Variants in FYN observed in about 807,000 individuals in gnomAD.
FYN encodes tyrosine-protein kinase Fyn.
FYN carries 10 observed loss-of-function variants against 70.2 expected under a neutral mutation model. That is an observed-to-expected ratio of 0.14 (90% CI 0.09 to 0.24). The LOEUF is 0.24. FYN is among the 10% of genes least tolerant of loss of function. The pLI is 1.00. For synonymous variants in FYN, 236 were observed against 248.6 expected (o/e 0.95, Z 0.48); for missense variants, 319 against 673.1 (o/e 0.47, Z 5.82).
At chr6:111,852,192 T>C (rs1773704379) in intron 1 of FYN, among the ~76,000 whole-genome samples, 1 of 152,224 alleles carries the variant, frequency 6.6e-6, no homozygotes, top group East Asian at 1.9e-4. Context: ...TATTCAGATA[T>C]ACAAAGCAGG....
intron 3 of FYN, among the ~76,000 whole-genome samples, chr6:111,774,690 CT>C (rs1181246984): frequency 6.6e-6 from 1 of 151,886 alleles, no homozygotes; most frequent in Non-Finnish European, 1.5e-5. Context: ...TGTGCTGCAG[CT>C]TTTTCCCCCC....
At chr6:111,753,512 A>C (rs1802576939) in intron 3 of FYN, among the ~76,000 whole-genome samples, 1 of 152,164 alleles carries the variant, frequency 6.6e-6, no homozygotes, top group African/African-American at 2.4e-5. Flanking sequence ...AAATATTCAG[A>C]TGGAACAAAC....
chr6:111,853,733 C>T (rs1007635339), intron 1 of FYN, among the ~76,000 whole-genome samples: 1 of 152,218 alleles, frequency 6.6e-6, no homozygotes, highest in Non-Finnish European at 1.5e-5. Flanking sequence ...ATCCTCCTAC[C>T]TCAGCCTCCT....
intron 2 of FYN, among the ~76,000 whole-genome samples, chr6:111,781,810 C>A (rs1381151695): frequency 6.6e-6 from 1 of 152,130 alleles, no homozygotes; most frequent in East Asian, 1.9e-4. Context: ...ATACAGTTAT[C>A]AAAATATTTG....
At chr6:111,867,154 T>C (rs563243236) in intron 1 of FYN, among the ~76,000 whole-genome samples, 22 of 152,304 alleles carry the variant, frequency 1.4e-4, no homozygotes, top group African/African-American at 5.1e-4. Flanking sequence ...TTTTGTAATT[T>C]GTTTGCTAAC....
chr6:111,712,642 C>T (rs1282158498), intron 5 of FYN, among the ~76,000 whole-genome samples: 1 of 152,228 alleles, frequency 6.6e-6, no homozygotes, highest in African/African-American at 2.4e-5. Context: ...CGATGCATAC[C>T]TCAGACAGTA....
At chr6:111,691,345 G>A (rs535897255) in intron 12 of FYN, among the ~76,000 whole-genome samples, 1 of 152,326 alleles carries the variant, frequency 6.6e-6, no homozygotes, top group African/African-American at 2.4e-5. Context: ...ACTCACAACT[G>A]TTTTGAAAAC....
intron 9 of FYN, among the ~76,000 whole-genome samples, chr6:111,698,508 T>C (rs1253925303): frequency 6.6e-6 from 1 of 152,156 alleles, no homozygotes; most frequent in East Asian, 1.9e-4. Context: ...CTGATCGATA[T>C]TGTTTTTAAT....
chr6:111,674,483 G>A lies in FYN; in HGVS notation c.1405+16C>T. Reference sequence around the variant, plus strand: ...CCTCCAATCTCAGGCCCATGTCTGTGAGGCCCTGCTCTTACCTGGGTATGG... The same window carrying A: ...CCTCCAATCTCAGGCCCATGTCTGTAAGGCCCTGCTCTTACCTGGGTATGG... On this transcript the variant is annotated intron_variant, in intron 13 of 13. Coordinates refer to ENST00000354650, the MANE Select transcript of FYN (RefSeq NM_002037.5). 1 of 1,602,752 alleles carries A rather than the reference G, an allele frequency of 6.2e-7. No homozygotes were observed. Among genetic ancestry groups the A allele is most frequent in the Non-Finnish European group, 8.5e-7 (1 of 1,173,286 alleles).
chr6:111,809,054 A>G (rs1266043895), intron 2 of FYN, among the ~76,000 whole-genome samples: 15 of 152,216 alleles, frequency 9.9e-5, no homozygotes, highest in Admixed American at 9.8e-4. Flanking sequence ...CACTACAGAA[A>G]AGGAAAATAT....
intron 2 of FYN, among the ~76,000 whole-genome samples, chr6:111,839,267 G>C (rs764774472): frequency 1.3e-5 from 2 of 152,076 alleles, no homozygotes; most frequent in Non-Finnish European, 2.9e-5. Flanking sequence ...CCCAGCTCAT[G>C]GATCTGTTTG....
chr6:111,771,409 G>A (rs903546816), intron 3 of FYN, among the ~76,000 whole-genome samples: 1 of 152,162 alleles, frequency 6.6e-6, no homozygotes, highest in Non-Finnish European at 1.5e-5. Context: ...CTATTGTAAT[G>A]TTAACCTACC....
At chr6:111,716,135 G>A (rs921381521) in intron 4 of FYN, among the ~76,000 whole-genome samples, 1 of 152,248 alleles carries the variant, frequency 6.6e-6, no homozygotes, top group Non-Finnish European at 1.5e-5. Context: ...TGTATGATCA[G>A]TTATCTACCT....
intron 4 of FYN, among the ~76,000 whole-genome samples, chr6:111,716,783 A>ATTT (rs541355121): frequency 1.4e-5 from 2 of 141,156 alleles, no homozygotes; most frequent in African/African-American, 2.6e-5. Flanking sequence ...AAGAGAGTTA[A>ATTT]TTTTTTTTTT....
intron 3 of FYN, among the ~76,000 whole-genome samples, chr6:111,739,925 A>G (rs1801882073): frequency 6.6e-6 from 1 of 152,102 alleles, no homozygotes; most frequent in Non-Finnish European, 1.5e-5. Context: ...CTGGGTTCAA[A>G]TAATTCTCCT....
intron 12 of FYN, among the ~76,000 whole-genome samples, chr6:111,691,189 C>T (rs1051855023): frequency 2.0e-5 from 3 of 152,232 alleles, no homozygotes; most frequent in Non-Finnish European, 4.4e-5. Context: ...GCTGCTCAGT[C>T]CTGGGTAGCT....
chr6:111,705,373 ATCT>A (rs1300429717), intron 6 of FYN, among the ~76,000 whole-genome samples: 32 of 148,336 alleles, frequency 2.2e-4, no homozygotes, highest in African/African-American at 2.7e-4. Context: ...TGTGTTCATC[ATCT>A]TCTTCTTCTT....
chr6:111,752,345 T>C (rs990340434), intron 3 of FYN, among the ~76,000 whole-genome samples: 6 of 152,352 alleles, frequency 3.9e-5, no homozygotes, highest in Middle Eastern at 3.4e-3. Flanking sequence ...ATCAGCCCAC[T>C]GGAGCAGCTT....
chr6:111,699,584 C>G (rs1454063307), intron 9 of FYN: 4 of 1,614,072 alleles, frequency 2.5e-6, no homozygotes, highest in Non-Finnish European at 3.4e-6. Context: ...CGTGCAACTT[C>G]CCAAGCATCT....
Sources: allele counts gnomAD v4.1 joint callset (sites outside exome capture counted in the v4.1 genomes callset), GRCh38; gene constraint gnomAD v4.1.1; transcripts MANE v1.5; gene names NCBI Gene and HGNC (gene_info 2026-07-23, HGNC 2026-07-21).